CDH13: variants seen among roughly 807,000 people sequenced by gnomAD.
CDH13 encodes the protein cadherin 13.
Under a neutral mutation model 63.8 loss-of-function variants are expected in CDH13, and 24 were observed. The observed-to-expected ratio is 0.38, with a 90% CI of 0.27 to 0.53. The LOEUF (loss-of-function observed/expected upper bound fraction) is 0.53, where lower values mean the gene tolerates loss of function less well. Among genes scored for constraint, CDH13 ranks in the 20% least tolerant of loss-of-function variants. The pLI is 0.85. For synonymous variants in CDH13, 503 were observed against 355.3 expected, an observed-to-expected ratio of 1.42 and a Z score of -4.67; for missense variants, 1,049 against 903.1, an observed-to-expected ratio of 1.16 and a Z score of -2.07.
chr16:83,447,488 G>A (rs955580071), intron 6 of CDH13, among the ~76,000 whole-genome samples: 1 of 152,068 alleles, frequency 6.6e-6, no homozygotes, highest in Non-Finnish European at 1.5e-5. Flanking sequence ...TGGAAAGCCC[G>A]CCAGTTAGAC....
At chr16:82,909,992 G>A (rs937402750) in intron 2 of CDH13, among the ~76,000 whole-genome samples, 1 of 152,114 alleles carries the variant, frequency 6.6e-6, no homozygotes, top group Non-Finnish European at 1.5e-5. Flanking sequence ...GTTAGCTGTG[G>A]CCATGCCACT....
chr16:82,845,048 C>T lies in CDH13; in HGVS notation c.46-13314C>T, dbSNP rs1434473972. Among the ~76,000 whole-genome samples the T allele has an allele frequency of 3.9e-5, 6 of 152,142 alleles. No individual in the cohort carries two copies. In the South Asian group the frequency reaches 1.0e-3, roughly 26 times the overall value. On this transcript the variant is annotated intron_variant, in intron 1 of 13. Coordinates refer to ENST00000567109, the MANE Select transcript of CDH13 (RefSeq NM_001257.5). Reference sequence around the variant, plus strand: ...CGGGCATGTTTTCCTGAAATCAGAGCCTGAGAGGAGAACCAGGTACAGGTA... The same window carrying T: ...CGGGCATGTTTTCCTGAAATCAGAGTCTGAGAGGAGAACCAGGTACAGGTA...
chr16:82,731,742 T>A (rs2033414429), intron 1 of CDH13, among the ~76,000 whole-genome samples: 1 of 152,258 alleles, frequency 6.6e-6, no homozygotes, highest in Non-Finnish European at 1.5e-5. Flanking sequence ...TGGCTGTGTG[T>A]ACAATTTACA....
At chr16:83,527,037 C>A (rs926132022) in intron 7 of CDH13, among the ~76,000 whole-genome samples, 1 of 151,966 alleles carries the variant, frequency 6.6e-6, no homozygotes, top group Non-Finnish European at 1.5e-5. Context: ...GAGGCTGAGG[C>A]AGGAGATCAC....
At chr16:83,218,610 A>T (rs948247137) in intron 5 of CDH13, among the ~76,000 whole-genome samples, 6 of 152,204 alleles carry the variant, frequency 3.9e-5, no homozygotes, top group Non-Finnish European at 2.9e-5. Flanking sequence ...CTATGGATAG[A>T]TGCCCTCTTG....
chr16:83,368,626 C>T (rs942675975), intron 6 of CDH13, among the ~76,000 whole-genome samples: 29 of 151,784 alleles, frequency 1.9e-4, no homozygotes, highest in African/African-American at 7.0e-4. Flanking sequence ...ATCACCCGAG[C>T]AGTGTCCACT....
At chr16:83,028,306 A>C (rs990203572) in intron 2 of CDH13, among the ~76,000 whole-genome samples, 4 of 152,248 alleles carry the variant, frequency 2.6e-5, no homozygotes, top group African/African-American at 9.6e-5. Context: ...CATCTGGGCT[A>C]CCAACATGGT....
intron 8 of CDH13, among the ~76,000 whole-genome samples, chr16:83,664,961 C>T (rs1279547438): frequency 6.6e-6 from 1 of 152,132 alleles, no homozygotes; most frequent in Non-Finnish European, 1.5e-5. Flanking sequence ...GTGGAGTCTC[C>T]AGCATGCAAC....
chr16:83,010,557 C>A (rs1056906543), intron 2 of CDH13, among the ~76,000 whole-genome samples: 8 of 152,108 alleles, frequency 5.3e-5, no homozygotes, highest in Admixed American at 2.6e-4. Flanking sequence ...CATTTTATTT[C>A]TCCTGCCCTT....
chr16:83,343,056 T>C (rs1303902640), intron 5 of CDH13, among the ~76,000 whole-genome samples: 2 of 152,086 alleles, frequency 1.3e-5, no homozygotes, highest in African/African-American at 4.8e-5. Flanking sequence ...TGTGCAGATA[T>C]TACGAGGCTC....
intron 11 of CDH13, among the ~76,000 whole-genome samples, chr16:83,758,030 A>C (rs1913656821): frequency 6.6e-6 from 1 of 150,768 alleles, no homozygotes; most frequent in African/African-American, 2.4e-5. Context: ...ACTCTGTCCC[A>C]AAAAAAAAGA....
Position 82,959,403 on chromosome 16 carries a change from T to G in CDH13, c.158-72607T>G, listed in dbSNP as rs145835204. Reference sequence around the variant, plus strand: ...TCTTCTGTAAAAATTTATGACAAAATTTGTGGCTTAAAGCAACCCATGGAT... The same window carrying G: ...TCTTCTGTAAAAATTTATGACAAAAGTTGTGGCTTAAAGCAACCCATGGAT... On this transcript the variant is annotated intron_variant, in intron 2 of 13. Transcript: ENST00000567109. Among the ~76,000 whole-genome samples the G allele has an allele frequency of 6.8e-3, 1,036 of 152,286 alleles. 10 individuals are homozygous for G. The highest frequency in any genetic ancestry group is 0.023 in the African/African-American group (946 of 41,548).
intron 6 of CDH13, among the ~76,000 whole-genome samples, chr16:83,372,120 C>T (rs189459972): frequency 3.3e-4 from 50 of 152,284 alleles, no homozygotes; most frequent in Middle Eastern, 3.4e-3. Context: ...CACTGTACTA[C>T]GCCTTTCAGA....
At chr16:82,633,780 C>T (rs1442226988) in intron 1 of CDH13, among the ~76,000 whole-genome samples, 1 of 152,228 alleles carries the variant, frequency 6.6e-6, no homozygotes, top group Non-Finnish European at 1.5e-5. Context: ...GGCCGTTCTA[C>T]ATACAGTGTT....
chr16:83,261,762 A>G (rs1907023386), intron 5 of CDH13, among the ~76,000 whole-genome samples: 2 of 151,808 alleles, frequency 1.3e-5, no homozygotes, highest in Admixed American at 6.6e-5. Context: ...CAGAAAGCGA[A>G]TAAGTGGCAG....
intron 5 of CDH13, among the ~76,000 whole-genome samples, chr16:83,285,939 G>A (rs1039644564): frequency 2.0e-5 from 3 of 152,168 alleles, no homozygotes; most frequent in African/African-American, 4.8e-5. Flanking sequence ...ACCAAGGAGC[G>A]TGGGCGAACT....
At chr16:82,791,892 C>A (rs2036323673) in intron 1 of CDH13, among the ~76,000 whole-genome samples, 1 of 152,160 alleles carries the variant, frequency 6.6e-6, no homozygotes, top group African/African-American at 2.4e-5. Context: ...GCCAAGATCC[C>A]CAGGTCAGAG....
At chr16:82,683,204 C>G (rs1416173499) in intron 1 of CDH13, among the ~76,000 whole-genome samples, 3 of 152,136 alleles carry the variant, frequency 2.0e-5, no homozygotes, top group Non-Finnish European at 4.4e-5. Flanking sequence ...CTGTCTCAGC[C>G]CGGGGTCTTG....
intron 5 of CDH13, among the ~76,000 whole-genome samples, chr16:83,218,321 A>G (rs1466125235): frequency 6.6e-6 from 1 of 152,150 alleles, no homozygotes; most frequent in African/African-American, 2.4e-5. Flanking sequence ...CAATGCGCTC[A>G]AGGGTCTCAG....
Sources: gnomAD v4.1 joint callset for allele counts (sites outside exome capture counted in the v4.1 genomes callset) on GRCh38, gnomAD v4.1.1 for gene constraint, MANE v1.5 for transcripts, NCBI Gene and HGNC (gene_info 2026-07-23, HGNC 2026-07-21) for gene names.